The following VEGFB variants were observed in gnomAD, a reference collection of about 807,000 sequenced individuals.
VEGFB encodes VEGF-related factor.
VEGFB carries 24 observed loss-of-function variants against 22.5 expected under a neutral mutation model. The ratio of observed to expected loss-of-function variants is 1.07; its 90% confidence interval spans 0.77 to 1.50. The LOEUF (loss-of-function observed/expected upper bound fraction) is 1.50, where lower values mean the gene tolerates loss of function less well. Among genes scored for constraint, VEGFB ranks in the 40% most tolerant of loss-of-function variants. VEGFB has a pLI of 0.00. For synonymous variants in VEGFB, 141 were observed against 117.4 expected, an observed-to-expected ratio of 1.20 and a Z score of -1.30; for missense variants, 327 against 287.8, an observed-to-expected ratio of 1.14 and a Z score of -0.99.
intron 6 of VEGFB, among the ~76,000 whole-genome samples, 171 bp from the exon 7 acceptor site, chr11:64,238,185 G>A (rs1208917095): frequency 6.6e-6 from 1 of 152,116 alleles, no homozygotes; most frequent in East Asian, 1.9e-4. Flanking sequence ...GTGTCAGGAG[G>A]GGATGACCTT....
chr11:64,238,790 T>A lies in VEGFB; in HGVS notation c.*457T>A, dbSNP rs1200340056. ...CCCTGATAAAAGAGATGGAAGGAGC[T>A]GTCCCTGCCTGTGTCACTGTTTGTC... On this transcript the variant is annotated 3_prime_UTR_variant, in exon 7 of 7. Transcript: ENST00000309422. The A allele has an allele frequency of 2.7e-5, 6 of 223,538 alleles. No homozygotes were observed. 13.8% of individuals were successfully genotyped at this position (223,538 alleles called of 1,614,324 possible). A position where few individuals can be genotyped will look rare whatever the true frequency, so the allele number is the denominator to read the frequency against.
Position 64,237,517 on chromosome 11 carries a change from C to T in VEGFB, c.508C>T (p.Pro170Ser), listed in dbSNP as rs1024873119. The T allele has an allele frequency of 1.9e-6, 3 of 1,611,594 alleles. No individual in the cohort carries two copies. The highest frequency in any genetic ancestry group is 1.3e-5 in the African/African-American group (1 of 74,914). ...CCCAGCTGACATCACCCATCCCACT[C>T]CAGCCCCAGGCCCCTCTGCCCACGC... ...PSPADITHPT[P>S]APGPSAHAAP... The change falls in exon 6 of 7, where the codon CCA becomes TCA. Residue 170 changes from proline (P) to serine (S), a missense_variant. Physicochemically the swap from Pro to Ser is moderately conservative, Grantham distance 74. Transcript: ENST00000309422.
At chr11:64,237,343 C>G in intron 5 of VEGFB, 77 bp from the exon 6 acceptor site, 1 of 1,515,932 alleles carries the variant, frequency 6.6e-7, no homozygotes, top group East Asian at 2.3e-5. Context: ...CTCCCCAAGC[C>G]TGTGTTCTCT....
Position 64,237,487 on chromosome 11 carries a change from C to A in VEGFB, c.478C>A (p.Pro160Thr), listed in dbSNP as rs369235621. Residue 160 changes from proline (P) to threonine (T), a missense_variant, in exon 6 of 7, where the codon CCC (proline) becomes ACC (threonine). By Grantham distance (38) the Pro-to-Thr change is conservative. Coordinates refer to ENST00000309422, the MANE Select transcript of VEGFB (RefSeq NM_003377.5). ...GGGCTGGGACTCTGCCCCCGGAGCA[C>A]CCTCCCCAGCTGACATCACCCATCC... is the stretch of plus-strand genomic sequence containing the variant. The part of the protein sequence containing the change: ...VPGWDSAPGA[P>T]SPADITHPTP... 24 of 1,612,408 alleles carry A rather than the reference C, an allele frequency of 1.5e-5. No homozygotes were observed. The highest frequency in any genetic ancestry group is 2.0e-5 in the Non-Finnish European group (24 of 1,179,786).
In VEGFB at chr11:64,237,595, G is replaced by C. The variant is rs758313576; in HGVS notation, c.586G>C (p.Asp196His). The C allele has an allele frequency of 5.0e-6, 8 of 1,591,182 alleles. No individual in the cohort carries two copies. The highest frequency in any genetic ancestry group is 1.3e-5 in the African/African-American group (1 of 74,768). Residue 196 changes from aspartate to histidine, a missense_variant, in exon 6 of 7, where the codon GAC becomes CAC. Physicochemically the swap from Asp to His is moderately conservative, Grantham distance 81. Coordinates refer to ENST00000309422, the MANE Select transcript of VEGFB (RefSeq NM_003377.5). ...CCCCGGACCTGCCGCTGCCGCTGCC[G>C]ACGCCGCAGCTTCCTCCGTTGCCAA... ...LTPGPAAAAA[D>H]AAASSVAKGG...
At position 64,235,856 on chromosome 11, in the gene VEGFB, C is replaced by G; in HGVS notation, c.147C>G (p.Pro49=). 6.2e-7 allele frequency: 1 copy of G among 1,613,980 alleles called. No individual in the cohort carries two copies. The highest frequency in any genetic ancestry group is 1.3e-5 in the African/African-American group (1 of 75,058). ...TGTATACTCGCGCTACCTGCCAGCC[C>G]CGGGAGGTGGTGGTGCCCTTGACTG... The part of the protein sequence containing the change: ...IDVYTRATCQ[P]REVVVPLTVE... The change falls in exon 3 of 7, where the codon CCC becomes CCG. Residue 49 remains proline (P), a synonymous_variant. Transcript: ENST00000309422.
chr11:64,235,091 ACTC>A (rs1184221930), intron 1 of VEGFB, among the ~76,000 whole-genome samples, 198 bp downstream of exon 1: 1 of 149,106 alleles, frequency 6.7e-6, no homozygotes, highest in Non-Finnish European at 1.5e-5. Context: ...GTCTGGGGCC[ACTC>A]CTCCGCCCCA....
rs1319970551 is a variant in VEGFB at position 64,234,770 on chromosome 11, C to A, written c.-64C>A. On this transcript the variant is annotated 5_prime_UTR_variant, in exon 1 of 7. Coordinates refer to ENST00000309422, the MANE Select transcript of VEGFB (RefSeq NM_003377.5). The surrounding 1 kb of genome is among the most constrained non-coding windows in gnomAD (Gnocchi z 5.3). ...CGCGCCATGGGGCTCTGGCTGTCGC[C>A]GCCCCCCGCGCCGCCGGGCTAGGGC... 3.9e-5 allele frequency: 30 copies of A among 774,132 alleles called. No individual in the cohort carries two copies. The highest frequency in any genetic ancestry group is 6.1e-4 in the Middle Eastern group (1 of 1,646). The allele number at this position is 774,132 out of a possible 1,614,324, so 48.0% of individuals were successfully genotyped here. A position where few individuals can be genotyped will look rare whatever the true frequency, so the allele number is the denominator to read the frequency against.
intron 4 of VEGFB, 175 bp from the exon 5 acceptor site, chr11:64,237,012 G>A (rs1439207699): frequency 2.1e-6 from 1 of 471,540 alleles, no homozygotes; most frequent in Non-Finnish European, 3.9e-6. Context: ...GAACCTGGGA[G>A]GCGGAGGTTG....
At position 64,235,755 on chromosome 11, in the gene VEGFB, G is replaced by A; in HGVS notation, c.104-58G>A. The A allele has an allele frequency of 2.5e-6, 4 of 1,597,000 alleles. No homozygotes were observed. In the Admixed American group the frequency reaches 5.1e-5, roughly 20 times the overall value. Reference sequence around the variant, plus strand: ...GACTTGGGGACTGGGGAGGACAGATGCTGGGAGCAGCTGCAGGAAAACCAG... The same window carrying A: ...GACTTGGGGACTGGGGAGGACAGATACTGGGAGCAGCTGCAGGAAAACCAG... On this transcript the variant is annotated intron_variant, in intron 2 of 6. Coordinates refer to ENST00000309422, the MANE Select transcript of VEGFB (RefSeq NM_003377.5).
At chr11:64,237,303 C>A (rs1366009326) in intron 5 of VEGFB, 81 bp downstream of exon 5, 6 of 1,519,350 alleles carry the variant, frequency 3.9e-6, no homozygotes, top group African/African-American at 1.4e-5. Flanking sequence ...TTTCTCCTCC[C>A]ACCCGTCCCC....
chr11:64,237,239 C>A lies in VEGFB; in HGVS notation c.410+17C>A, dbSNP rs755678458. 3.1e-6 allele frequency: 5 copies of A among 1,607,500 alleles called. No individual in the cohort carries two copies. The East Asian group carries it at 8.9e-5, about 29-fold the overall frequency. On this transcript the variant is annotated intron_variant, in intron 5 of 6. Transcript: ENST00000309422. ...GCCAGACAGGTGAGTCTTTTGGACT[C>A]CAGCTGAGTAGGGGTATGGGGAGTA...
chr11:64,237,127 G>GAGAGAGATATATATATATATATAT, intron 4 of VEGFB, 60 bp from the exon 5 acceptor site: 1 of 813,208 alleles, frequency 1.2e-6, no homozygotes, highest in African/African-American at 2.1e-5. Flanking sequence ...GAGAGAGTAG[G>GAGAGAGATATATATATATATATAT]ATGCTGGGAT....
In VEGFB at chr11:64,239,111, T is replaced by C. The variant is rs535450180; in HGVS notation, c.*778T>C. ...TAGGACCCAGATCTACTGAGTGACC[T>C]TGCTTGTCACTACCCCTGCCTCTCT... On this transcript the variant is annotated 3_prime_UTR_variant, in exon 7 of 7. Coordinates refer to ENST00000309422, the MANE Select transcript of VEGFB (RefSeq NM_003377.5). 1.9e-4 allele frequency among the ~76,000 whole-genome samples: 29 copies of C among 152,312 alleles called. No individual in the cohort carries two copies. The highest frequency in any genetic ancestry group is 3.7e-4 in the Non-Finnish European group (25 of 68,026).
intron 4 of VEGFB, among the ~76,000 whole-genome samples, chr11:64,236,973 C>T (rs1338330641): frequency 6.8e-6 from 1 of 147,684 alleles, no homozygotes; most frequent in Non-Finnish European, 1.5e-5. Context: ...ATCCCAGCTA[C>T]TTGGGAGGCT....
chr11:64,237,713 C>T, intron 6 of VEGFB, 58 bp downstream of exon 6: 3 of 1,456,244 alleles, frequency 2.1e-6, no homozygotes, highest in Non-Finnish European at 2.7e-6. Flanking sequence ...TGTCCTGGAG[C>T]AGGTCCAGGG....
Position 64,237,576 on chromosome 11 carries a change from A to G in VEGFB, c.567A>G (p.Gly189=). 6.4e-7 allele frequency: 1 copy of G among 1,567,376 alleles called. No homozygotes were observed. Among genetic ancestry groups the G allele is most frequent in the South Asian group, 1.1e-5 (1 of 88,006 alleles). ...APSTTSALTP[G]PAAAAADAAA... Reference sequence around the variant, plus strand: ...GCACCACCAGCGCCCTGACCCCCGGACCTGCCGCTGCCGCTGCCGACGCCG... The same window carrying G: ...GCACCACCAGCGCCCTGACCCCCGGGCCTGCCGCTGCCGCTGCCGACGCCG... Residue 189 remains glycine (G), a synonymous_variant, in exon 6 of 7, where the codon GGA becomes GGG. Transcript: ENST00000309422.
intron 2 of VEGFB, 69 bp downstream of exon 2, chr11:64,235,569 T>A (rs2029947432): frequency 2.6e-6 from 4 of 1,511,366 alleles, no homozygotes; most frequent in Non-Finnish European, 2.8e-6. Flanking sequence ...ATTCCAGGTG[T>A]CCATCATCTT....
In VEGFB at chr11:64,237,594, C is replaced by CCCCG; in HGVS notation, c.585_586insCCCG (p.Asp196ProfsTer29). 6.3e-7 allele frequency: 1 copy of CCCCG among 1,592,292 alleles called. No homozygotes were observed. Among genetic ancestry groups the CCCCG allele is most frequent in the Non-Finnish European group, 8.5e-7 (1 of 1,173,934 alleles). Reference sequence around the variant, plus strand: ...CCCCCGGACCTGCCGCTGCCGCTGCCGACGCCGCAGCTTCCTCCGTTGCCA... The same window carrying CCCCG: ...CCCCCGGACCTGCCGCTGCCGCTGCCCCCGGACGCCGCAGCTTCCTCCGTTGCCA... On this transcript the variant is annotated frameshift_variant, in exon 6 of 7. Transcript: ENST00000309422. LOFTEE classifies it high-confidence loss of function.
Sources: allele counts gnomAD v4.1 joint callset (sites outside exome capture counted in the v4.1 genomes callset), GRCh38; gene constraint gnomAD v4.1.1; non-coding constraint Gnocchi (gnomAD v3.1); transcripts MANE v1.5; gene names NCBI Gene and HGNC (gene_info 2026-07-23, HGNC 2026-07-21).